Variants in ABCB5 observed in about 807,000 individuals in gnomAD.
ABCB5 encodes ATP binding cassette subfamily B member 5.
Under a neutral mutation model 144.2 loss-of-function variants are expected in ABCB5, and 155 were observed. The observed-to-expected ratio is 1.08, with a 90% CI of 0.94 to 1.23. ABCB5 has a LOEUF of 1.23. Ranked by LOEUF, ABCB5 falls within the 50% of genes most tolerant of loss-of-function variation. ABCB5 has a pLI of 0.00. For missense variants in ABCB5, 1,830 were observed against 1,520.8 expected, an observed-to-expected ratio of 1.20 and a Z score of -3.38; for synonymous variants, 610 against 528.6, an observed-to-expected ratio of 1.15 and a Z score of -2.11.
chr7:20,691,168 CTTTTTTTTTTTTTTTT>C (rs58696871), intron 16 of ABCB5, among the ~76,000 whole-genome samples: 4 of 46,116 alleles, frequency 8.7e-5, no homozygotes, highest in South Asian at 1.7e-3. Context: ...ACCCAGTGGA[CTTTTTTTTTTTTTTTT>C]TTTTTTTTTT....
intron 21 of ABCB5, 75 bp from the exon 22 acceptor site, chr7:20,726,965 G>A: frequency 2.0e-6 from 2 of 1,008,404 alleles, no homozygotes; most frequent in East Asian, 2.7e-5. Context: ...CAGTGTGAGT[G>A]ACTAGAATTC....
chr7:20,739,951 G>C (rs1782509195), intron 24 of ABCB5, among the ~76,000 whole-genome samples: 1 of 152,210 alleles, frequency 6.6e-6, no homozygotes, highest in African/African-American at 2.4e-5. Context: ...GTCTTATACA[G>C]CTGGGCGTGG....
intron 16 of ABCB5, among the ~76,000 whole-genome samples, chr7:20,686,194 G>C (rs1027921797): frequency 2.0e-5 from 3 of 152,160 alleles, no homozygotes; most frequent in African/African-American, 7.2e-5. Flanking sequence ...AGGCATAAAT[G>C]CATGCCACTC....
intron 20 of ABCB5, among the ~76,000 whole-genome samples, chr7:20,717,209 A>G (rs1018455133): frequency 1.6e-4 from 24 of 152,264 alleles, no homozygotes; most frequent in African/African-American, 5.5e-4. Flanking sequence ...CAGAGGAGCA[A>G]GGACAGTGTG....
In ABCB5 at chr7:20,645,864, G is replaced by C; in HGVS notation, c.787G>C (p.Glu263Gln). Residue 263 changes from glutamate (E) to glutamine (Q), a missense_variant, in exon 8 of 28, where the codon GAG becomes CAG. By Grantham distance (29) the Glu-to-Gln change is conservative. Coordinates refer to ENST00000404938, the MANE Select transcript of ABCB5 (RefSeq NM_001163941.2). ...AACAGTCATAGCCTTTAGGGCCCAG[G>C]AGAAAGAACTTCAAAGGTCTTTCCT... is the stretch of plus-strand genomic sequence containing the variant. ...IRTVIAFRAQEKELQRYTQNL... is the reference protein window; with the variant it reads ...IRTVIAFRAQQKELQRYTQNL... The C allele has an allele frequency of 6.2e-7, 1 of 1,613,698 alleles. No homozygotes were observed. The highest frequency in any genetic ancestry group is 8.5e-7 in the Non-Finnish European group (1 of 1,179,742).
chr7:20,651,792 G>A (rs935467515), intron 13 of ABCB5, 169 bp downstream of exon 13: 3 of 624,470 alleles, frequency 4.8e-6, no homozygotes, highest in Non-Finnish European at 8.2e-6. Flanking sequence ...CTTTGAATGA[G>A]GTCCAACACA....
At chr7:20,690,900 G>A (rs1208484094) in intron 16 of ABCB5, among the ~76,000 whole-genome samples, 3 of 152,102 alleles carry the variant, frequency 2.0e-5, no homozygotes, top group African/African-American at 4.8e-5. Flanking sequence ...GTTAACTGCC[G>A]TGAAGAATCA....
chr7:20,714,592 C>A (rs774224180), intron 20 of ABCB5, among the ~76,000 whole-genome samples: 2 of 151,890 alleles, frequency 1.3e-5, no homozygotes, highest in African/African-American at 4.8e-5. Flanking sequence ...CCACCAACAC[C>A]GAAAAGCAGG....
chr7:20,626,877 G>A (rs1287771687), intron 3 of ABCB5, among the ~76,000 whole-genome samples: 1 of 151,794 alleles, frequency 6.6e-6, no homozygotes, highest in Non-Finnish European at 1.5e-5. Context: ...GTGTGTGTGT[G>A]TGTGTGTGTG....
intron 16 of ABCB5, among the ~76,000 whole-genome samples, chr7:20,688,139 G>A (rs1786064364): frequency 6.6e-6 from 1 of 152,120 alleles, no homozygotes; most frequent in African/African-American, 2.4e-5. Context: ...GTTGCAGTGA[G>A]CTAAGATCAT....
intron 17 of ABCB5, 104 bp from the exon 18 acceptor site, chr7:20,699,721 A>G (rs1786548291): frequency 1.3e-6 from 1 of 747,754 alleles, no homozygotes; most frequent in Non-Finnish European, 2.1e-6. Context: ...AAGAAAAAAA[A>G]AAAAGAAATG....
At chr7:20,718,614 G>T (rs539081118) in intron 20 of ABCB5, among the ~76,000 whole-genome samples, 17 of 152,278 alleles carry the variant, frequency 1.1e-4, no homozygotes, top group South Asian at 6.2e-4. Context: ...AGAGCCCTGG[G>T]GGGGAGGGAG....
chr7:20,645,680 T>A, intron 7 of ABCB5, 76 bp from the exon 8 acceptor site: 1 of 1,533,510 alleles, frequency 6.5e-7, no homozygotes, highest in Non-Finnish European at 8.8e-7. Flanking sequence ...AGAATTCAAA[T>A]TCTGCCTGAC....
chr7:20,647,372 A>G (rs1295490443), intron 9 of ABCB5, 163 bp from the exon 10 acceptor site: 5 of 1,365,110 alleles, frequency 3.7e-6, no homozygotes, highest in East Asian at 5.6e-5. Flanking sequence ...GCTAAGATCA[A>G]GTGTAATCTG....
chr7:20,622,089 T>C (rs940170764), intron 1 of ABCB5, among the ~76,000 whole-genome samples: 1 of 152,158 alleles, frequency 6.6e-6, no homozygotes, highest in South Asian at 2.1e-4. Context: ...AGCACAGTTA[T>C]GAAAGTGCAG....
At chr7:20,733,157 C>T (rs1350421765) in intron 23 of ABCB5, among the ~76,000 whole-genome samples, 1 of 151,952 alleles carries the variant, frequency 6.6e-6, no homozygotes, top group East Asian at 1.9e-4. Context: ...GTTCCAGATT[C>T]CAGAGGTTTG....
At chr7:20,717,491 G>A (rs1781713773) in intron 20 of ABCB5, among the ~76,000 whole-genome samples, 1 of 147,300 alleles carries the variant, frequency 6.8e-6, no homozygotes, top group African/African-American at 2.5e-5. Flanking sequence ...CTCCCAGGCT[G>A]GACTGCAGTG....
chr7:20,698,834 G>C (rs2128043073), intron 17 of ABCB5, among the ~76,000 whole-genome samples: 1 of 152,304 alleles, frequency 6.6e-6, no homozygotes, highest in East Asian at 1.9e-4. Context: ...AAACACTGAA[G>C]AAATAAAATA....
intron 14 of ABCB5, chr7:20,659,312 C>T (rs1286240897): frequency 2.8e-6 from 4 of 1,412,460 alleles, no homozygotes; most frequent in Admixed American, 2.8e-5. Flanking sequence ...TGGCCTGACT[C>T]CCTTATAAAC....
Sources: allele counts gnomAD v4.1 joint callset (sites outside exome capture counted in the v4.1 genomes callset), GRCh38; gene constraint gnomAD v4.1.1; transcripts MANE v1.5; gene names NCBI Gene and HGNC (gene_info 2026-07-23, HGNC 2026-07-21).